ZDHHC20: variants seen among roughly 807,000 people sequenced by gnomAD.
ZDHHC20 encodes the protein palmitoyltransferase ZDHHC20.
A neutral mutation model predicts 57.8 loss-of-function variants in ZDHHC20; 43 were observed. That is an observed-to-expected ratio of 0.74 (90% confidence interval 0.58 to 0.96). The LOEUF is 0.96. Among genes scored for constraint, ZDHHC20 ranks in the 40% least tolerant of loss-of-function variants. The pLI is 0.00. For missense variants in ZDHHC20, 391 were observed against 441.1 expected (o/e 0.89, Z 1.02); for synonymous variants, 157 against 153.0 (o/e 1.03, Z -0.19).
Position 21,419,001 on chromosome 13 carries a change from C to T in ZDHHC20, c.249+2060G>A, listed in dbSNP as rs150001130. Reference sequence around the variant, plus strand: ...CTGCATTCTTAACCTCTACATTATACTGCTTCTCAAAAGTACTACCAATTA... The same window carrying T: ...CTGCATTCTTAACCTCTACATTATATTGCTTCTCAAAAGTACTACCAATTA... On this transcript the variant is annotated intron_variant, in intron 3 of 12. Coordinates refer to ENST00000400590, the MANE Select transcript of ZDHHC20 (RefSeq NM_001330059.2). 9.9e-5 allele frequency among the ~76,000 whole-genome samples: 15 copies of T among 152,276 alleles called. No individual in the cohort carries two copies. In the East Asian group the frequency reaches 2.9e-3, roughly 29 times the overall value.
chr13:21,408,802 TTGAG>T (rs1878813488), intron 4 of ZDHHC20, among the ~76,000 whole-genome samples: 2 of 152,216 alleles, frequency 1.3e-5, no homozygotes, highest in African/African-American at 4.8e-5. Flanking sequence ...ACCTAGTTTA[TTGAG>T]TGTTTTTAGC....
chr13:21,435,854 A>T lies in ZDHHC20; in HGVS notation c.119-10176T>A, dbSNP rs925549006. On this transcript the variant is annotated intron_variant, in intron 1 of 12. Transcript: ENST00000400590. ...TCTCTGGAATCAGATGCTAAGACAG[A>T]GTTTGGGGTGCAATGTATTTACTAG... 5.3e-5 allele frequency among the ~76,000 whole-genome samples: 8 copies of T among 152,342 alleles called. No individual in the cohort carries two copies. The South Asian group carries it at 8.3e-4, about 16-fold the overall frequency.
chr13:21,421,043 T>G lies in ZDHHC20; in HGVS notation c.249+18A>C. On this transcript the variant is annotated intron_variant, in intron 3 of 12. Transcript: ENST00000400590. ...TAATCAGTTAAAACATTTGGTAATT[T>G]ACCAACATTAAATTTACCTCTTTGG... is the stretch of plus-strand genomic sequence containing the variant. The G allele has an allele frequency of 6.3e-7, 1 of 1,595,396 alleles. No homozygotes were observed. The highest frequency in any genetic ancestry group is 1.7e-5 in the Admixed American group (1 of 59,534).
chr13:21,385,919 T>C (rs903812537), intron 9 of ZDHHC20, among the ~76,000 whole-genome samples: 5 of 152,116 alleles, frequency 3.3e-5, no homozygotes, highest in East Asian at 3.8e-4. Context: ...TGACTTTTCA[T>C]TAGAAACAAT....
At chr13:21,395,315 C>T (rs1876584416) in intron 7 of ZDHHC20, among the ~76,000 whole-genome samples, 1 of 151,898 alleles carries the variant, frequency 6.6e-6, no homozygotes, top group Admixed American at 6.6e-5. Flanking sequence ...ATCCACCTGC[C>T]TCGGCCTCCC....
intron 3 of ZDHHC20, among the ~76,000 whole-genome samples, chr13:21,418,228 G>C (rs1880237257): frequency 6.6e-6 from 1 of 152,150 alleles, no homozygotes; most frequent in South Asian, 2.1e-4. Context: ...TTCTCTGACA[G>C]GGCAAATGGA....
rs1482957698 is a variant in ZDHHC20, at chr13:21,412,991, AC to A, written c.370+660del. Among the ~76,000 whole-genome samples the A allele has an allele frequency of 4.5e-3, 610 of 136,414 alleles. 6 individuals are homozygous for A. Among genetic ancestry groups the A allele is most frequent in the African/African-American group, 0.015 (553 of 37,312 alleles). The allele number at this position is 136,414 out of a possible 152,430, so 89.5% of individuals were successfully genotyped here. On this transcript the variant is annotated intron_variant, in intron 4 of 12. Coordinates refer to ENST00000400590, the MANE Select transcript of ZDHHC20 (RefSeq NM_001330059.2). ...TCAAAAAAAAAAAAAAAAAAAAAAA[AC>A]AATTTCCCAAACAACAAAAAAAAAT...
chr13:21,376,796 T>C (rs1389902964), intron 12 of ZDHHC20, 141 bp from the exon 13 acceptor site: 1 of 449,968 alleles, frequency 2.2e-6, no homozygotes, highest in East Asian at 3.8e-5. Context: ...ACTAATATTA[T>C]AACAATAAAG....
chr13:21,449,241 A>T (rs1300569867), intron 1 of ZDHHC20, among the ~76,000 whole-genome samples: 1 of 152,202 alleles, frequency 6.6e-6, no homozygotes, highest in East Asian at 1.9e-4. Context: ...AAAAATAAAT[A>T]AATAAAAATA....
At chr13:21,440,442 C>G (rs1883023954) in intron 1 of ZDHHC20, among the ~76,000 whole-genome samples, 1 of 151,984 alleles carries the variant, frequency 6.6e-6, no homozygotes, top group African/African-American at 2.4e-5. Flanking sequence ...GAAACCCTGT[C>G]TCTACTAAAA....
intron 1 of ZDHHC20, among the ~76,000 whole-genome samples, chr13:21,444,120 C>T (rs538754102): frequency 6.6e-6 from 1 of 152,276 alleles, no homozygotes; most frequent in East Asian, 1.9e-4. Flanking sequence ...TGTGCCACTG[C>T]ACTCTACCCT....
chr13:21,392,927 CATGAGA>C (rs924969741), intron 7 of ZDHHC20, among the ~76,000 whole-genome samples: 9 of 152,154 alleles, frequency 5.9e-5, no homozygotes, highest in African/African-American at 2.2e-4. Context: ...TCACAAAGAT[CATGAGA>C]ATGTCATGGT....
intron 1 of ZDHHC20, among the ~76,000 whole-genome samples, chr13:21,441,546 CG>C (rs1883164678): frequency 7.5e-6 from 1 of 133,602 alleles, no homozygotes; most frequent in African/African-American, 2.8e-5. Flanking sequence ...CCACCACGCC[CG>C]GCTTTTTTTT....
chr13:21,428,529 T>C (rs1881548373), intron 1 of ZDHHC20, among the ~76,000 whole-genome samples: 1 of 151,924 alleles, frequency 6.6e-6, no homozygotes, highest in Non-Finnish European at 1.5e-5. Flanking sequence ...CCAAACTATG[T>C]TTTTTAAAAA....
At chr13:21,387,900 G>C (rs932915740) in intron 8 of ZDHHC20, among the ~76,000 whole-genome samples, 4 of 151,886 alleles carry the variant, frequency 2.6e-5, no homozygotes, top group African/African-American at 9.7e-5. Flanking sequence ...TGTGTGCTCA[G>C]TATCTCTTGG....
At chr13:21,383,432 C>A (rs933561114) in intron 9 of ZDHHC20, among the ~76,000 whole-genome samples, 9 of 152,194 alleles carry the variant, frequency 5.9e-5, no homozygotes, top group South Asian at 2.1e-4. Context: ...GCCTCCTCAG[C>A]CGTGTGTGAG....
intron 1 of ZDHHC20, among the ~76,000 whole-genome samples, chr13:21,432,258 T>C (rs1316904385): frequency 1.3e-5 from 2 of 152,024 alleles, no homozygotes; most frequent in Non-Finnish European, 2.9e-5. Flanking sequence ...CTCCGCTTCC[T>C]GGTTCAAGCC....
intron 2 of ZDHHC20, among the ~76,000 whole-genome samples, chr13:21,425,040 A>C (rs1053504509): frequency 2.0e-5 from 3 of 152,196 alleles, no homozygotes; most frequent in East Asian, 3.8e-4. Flanking sequence ...TTGTATGCCC[A>C]ATTAAATTTT....
At chr13:21,408,393 A>C (rs915399408) in intron 4 of ZDHHC20, among the ~76,000 whole-genome samples, 8 of 152,198 alleles carry the variant, frequency 5.3e-5, no homozygotes, top group Non-Finnish European at 8.8e-5. Flanking sequence ...TGTGAATGGG[A>C]GGTCACTCAT....
Sources: allele counts gnomAD v4.1 joint callset (sites outside exome capture counted in the v4.1 genomes callset), GRCh38; gene constraint gnomAD v4.1.1; transcripts MANE v1.5; gene names NCBI Gene and HGNC (gene_info 2026-07-23, HGNC 2026-07-21).